Variants in POLD2 observed in about 807,000 individuals in gnomAD.
The protein encoded by POLD2 is DNA polymerase delta 2, accessory subunit, also known as DNA polymerase delta subunit 2.
In POLD2, 31 loss-of-function variants were observed where a neutral mutation model predicts 48.8. The observed-to-expected ratio is 0.64, with a 90% CI of 0.48 to 0.86. The LOEUF (loss-of-function observed/expected upper bound fraction) is 0.86, where lower values mean the gene tolerates loss of function less well. Ranked by LOEUF, POLD2 falls within the 40% of genes least tolerant of loss-of-function variation. The probability of loss-of-function intolerance (pLI) is 0.00; values close to 1 mark genes in which losing one functional copy is unlikely to be tolerated. For synonymous variants in POLD2, 233 were observed against 256.3 expected, an observed-to-expected ratio of 0.91 and a Z score of 0.87; for missense variants, 455 against 610.1, an observed-to-expected ratio of 0.75 and a Z score of 2.68.
chr7:44,114,886 C>T lies in POLD2; in HGVS notation c.1309G>A (p.Ala437Thr), dbSNP rs754179845. ...TVPDFSATQT[A>T]CLVNLRSLAC... ...AGGCTGCGCAGGTTCACAAGGCAGG[C>T]GGTCTGCGTGGCACTGAAGTCAGGG... Residue 437 changes from alanine (A) to threonine (T), a missense_variant, in exon 11 of 11, where the codon GCC (alanine) becomes ACC (threonine). Physicochemically the swap from Ala to Thr is moderately conservative, Grantham distance 58. This residue lies in a region of POLD2 where 98 missense variants were observed against 138.6 expected (regional missense o/e 0.71). Transcript: ENST00000610533. 1.7e-5 allele frequency: 28 copies of T among 1,613,790 alleles called. No homozygotes were observed. The Admixed American group carries it at 2.0e-4, about 12-fold the overall frequency.
At position 44,115,827 on chromosome 7, in the gene POLD2, C is replaced by T. The variant is rs1248844449; in HGVS notation, c.1086G>A (p.Leu362=). Residue 362 remains leucine, a synonymous_variant, in exon 9 of 11, where the codon TTG becomes TTA. Coordinates refer to ENST00000610533, the MANE Select transcript of POLD2 (RefSeq NM_006230.4). ...CCCGCAGGGTCCACTCCAGGATCTC[C>T]AAGTGATCCTCCATGCTGCTGTATC... The part of the protein sequence containing the change: ...IFRYSSMEDH[L]EILEWTLRVR... 1.9e-6 allele frequency: 3 copies of T among 1,613,852 alleles called. No homozygotes were observed. Among genetic ancestry groups the T allele is most frequent in the Non-Finnish European group, 2.5e-6 (3 of 1,179,730 alleles).
intron 5 of POLD2, 43 bp from the exon 6 acceptor site, chr7:44,117,058 G>A: frequency 6.2e-7 from 1 of 1,609,254 alleles, no homozygotes; most frequent in Non-Finnish European, 8.5e-7. Context: ...GAGAAGGGAG[G>A]CAGCCCCTCC....
At chr7:44,123,688 C>T (rs930257547), upstream of POLD2, 1 of 1,354,080 alleles carries the variant, frequency 7.4e-7, no homozygotes, top group Admixed American at 4.1e-5. Flanking sequence ...GTCCCTGGGA[C>T]GCCCAGAGAA....
chr7:44,123,575 AT>A (rs1478108545), upstream of POLD2: 2 of 1,464,738 alleles, frequency 1.4e-6, no homozygotes, highest in Non-Finnish European at 1.8e-6. Context: ...CAACTCGCTA[AT>A]CCCCGCGCGG....
intron 1 of POLD2, chr7:44,123,191 A>C (rs778120119): frequency 5.9e-5 from 73 of 1,229,982 alleles, no homozygotes; most frequent in Non-Finnish European, 7.3e-5. Flanking sequence ...GAAAGTTAAA[A>C]AATTCCCTAG....
chr7:44,117,874 C>A, intron 3 of POLD2, 69 bp downstream of exon 3: 2 of 1,599,658 alleles, frequency 1.3e-6, no homozygotes, highest in Admixed American at 3.4e-5. Context: ...ACAACCCCAC[C>A]TCCAGGGAGG....
At chr7:44,123,433 C>G (rs2096251041) in intron 1 of POLD2, 78 bp downstream of exon 1, 1 of 1,484,180 alleles carries the variant, frequency 6.7e-7, no homozygotes, top group Non-Finnish European at 8.9e-7. Flanking sequence ...AAGACACCAG[C>G]CCACCGACCC....
Position 44,121,954 on chromosome 7 carries a change from T to C in POLD2, c.100A>G (p.Asn34Asp), listed in dbSNP as rs1166903553. Residue 34 changes from asparagine to aspartate, a missense_variant, in exon 2 of 11, where the codon AAC (asparagine) becomes GAC (aspartate). Physicochemically the swap from Asn to Asp is conservative, Grantham distance 23. This residue lies in a region of POLD2 where 349 missense variants were observed against 437.4 expected (regional missense o/e 0.80). Transcript: ENST00000610533. The surrounding 1 kb of genome is among the most constrained non-coding windows in gnomAD (Gnocchi z 4.5). Reference sequence around the variant, plus strand: ...CCTAGCCGGAAGGGTTGTGAGGAGTTGGTGTAGGTTGCCACTGGCACCCGG... The same window carrying C: ...CCTAGCCGGAAGGGTTGTGAGGAGTCGGTGTAGGTTGCCACTGGCACCCGG... ...FARVPVATYT[N>D]SSQPFRLGER... 2 of 1,613,882 alleles carry C rather than the reference T, an allele frequency of 1.2e-6. No individual in the cohort carries two copies. The highest frequency in any genetic ancestry group is 1.7e-6 in the Non-Finnish European group (2 of 1,180,036).
upstream of POLD2, chr7:44,123,680 C>A (rs1055355662): frequency 7.4e-7 from 1 of 1,356,996 alleles, no homozygotes; most frequent in East Asian, 3.1e-5. Context: ...TGCGCCCAGT[C>A]CCTGGGACGC....
At position 44,116,471 on chromosome 7, in the gene POLD2, C is replaced by T; in HGVS notation, c.820G>A (p.Glu274Lys). Reference protein sequence around the residue: ...LTKKTQAASVEAVKMLDEILL... With the variant: ...LTKKTQAASVKAVKMLDEILL... Reference sequence around the variant, plus strand: ...ATCTCATCCAGCATCTTAACAGCCTCCACGCTGGCTGCCTGGGTTTTCTTG... The same window carrying T: ...ATCTCATCCAGCATCTTAACAGCCTTCACGCTGGCTGCCTGGGTTTTCTTG... Residue 274 changes from glutamate (E) to lysine (K), a missense_variant, in exon 7 of 11, where the codon GAG becomes AAG. Physicochemically the swap from Glu to Lys is moderately conservative, Grantham distance 56. Coordinates refer to ENST00000610533, the MANE Select transcript of POLD2 (RefSeq NM_006230.4). This position sits in a 1 kb window ranked among gnomAD's most constrained non-coding sequence, Gnocchi z 6.1. 3 of 1,585,252 alleles carry T rather than the reference C, an allele frequency of 1.9e-6. No homozygotes were observed. Among genetic ancestry groups the T allele is most frequent in the Non-Finnish European group, 2.6e-6 (3 of 1,164,956 alleles).
chr7:44,119,697 C>T lies in POLD2; in HGVS notation c.221-1633G>A, dbSNP rs3217955. Among the ~76,000 whole-genome samples the T allele has an allele frequency of 1.6e-3, 238 of 152,302 alleles. 1 individual carries two copies. Among genetic ancestry groups the T allele is most frequent in the Non-Finnish European group, 2.9e-3 (198 of 68,026 alleles). ...CTGGGCAGAATGACATCCCTGTAAC[C>T]GATAGTAGGACATGCTTCCACCCAG... On this transcript the variant is annotated intron_variant, in intron 2 of 10. Coordinates refer to ENST00000610533, the MANE Select transcript of POLD2 (RefSeq NM_006230.4).
chr7:44,116,296 G>C lies in POLD2; in HGVS notation c.862-24C>G, dbSNP rs781616962. On this transcript the variant is annotated intron_variant, in intron 7 of 10. Coordinates refer to ENST00000610533, the MANE Select transcript of POLD2 (RefSeq NM_006230.4). The surrounding 1 kb of genome is among the most constrained non-coding windows in gnomAD (Gnocchi z 6.1). ...GCCTGGAAGGCACAGGGCAGGGAGA[G>C]CTCACAGGGCCCCGAAGGAGCCCCC... is the stretch of plus-strand genomic sequence containing the variant. 14 of 1,598,684 alleles carry C rather than the reference G, an allele frequency of 8.8e-6. No homozygotes were observed. The South Asian group carries it at 1.5e-4, about 17-fold the overall frequency.
intron 5 of POLD2, 41 bp from the exon 6 acceptor site, chr7:44,117,056 A>T (rs753439749): frequency 1.9e-6 from 3 of 1,609,498 alleles, no homozygotes; most frequent in Non-Finnish European, 1.7e-6. Context: ...CCGAGAAGGG[A>T]GGCAGCCCCT....
intron 2 of POLD2, among the ~76,000 whole-genome samples, chr7:44,120,906 G>T (rs557869135): frequency 2.0e-5 from 3 of 152,136 alleles, no homozygotes; most frequent in Non-Finnish European, 4.4e-5. Context: ...TATCCCTAAT[G>T]AATTTGAGGT....
Position 44,117,914 on chromosome 7 carries a change from C to T in POLD2, c.342+29G>A, listed in dbSNP as rs111345770. Reference sequence around the variant, plus strand: ...CTAGTGGGAGGCCAGGTCTGCCTGGCGGCCCCACTGTGTAGCACCCTGCCT... The same window carrying T: ...CTAGTGGGAGGCCAGGTCTGCCTGGTGGCCCCACTGTGTAGCACCCTGCCT... On this transcript the variant is annotated intron_variant, in intron 3 of 10. Transcript: ENST00000610533. The T allele has an allele frequency of 7.4e-5, 119 of 1,609,246 alleles. 1 individual carries two copies. In the African/African-American group the frequency reaches 1.0e-3, roughly 14 times the overall value.
Position 44,116,212 on chromosome 7 carries a change from G to T in POLD2, c.922C>A (p.Gln308Lys). 6.2e-7 allele frequency: 1 copy of T among 1,613,750 alleles called. No homozygotes were observed. The highest frequency in any genetic ancestry group is 8.5e-7 in the Non-Finnish European group (1 of 1,179,892). The stretch of plus-strand genomic sequence containing the variant: ...AACATGCAGGGGTGGAGGGGCTGCT[G>T]GGGGAGCGTGTAATTGGTGGGATCA... ...EFDPTNYTLP[Q>K]QPLHPCMFPL... Residue 308 changes from glutamine to lysine, a missense_variant, in exon 8 of 11, where the codon CAG becomes AAG. Gln to Lys is a moderately conservative substitution (Grantham distance 53). This residue lies in a region of POLD2 where 349 missense variants were observed against 437.4 expected (regional missense o/e 0.80). Coordinates refer to ENST00000610533, the MANE Select transcript of POLD2 (RefSeq NM_006230.4). This position sits in a 1 kb window ranked among gnomAD's most constrained non-coding sequence, Gnocchi z 6.1.
At chr7:44,117,111 G>C (rs2096241192) in intron 5 of POLD2, 22 bp downstream of exon 5, 2 of 1,611,494 alleles carry the variant, frequency 1.2e-6, no homozygotes, top group Non-Finnish European at 1.7e-6. Context: ...GCTGGTTCCA[G>C]CTCCCGAGAA....
upstream of POLD2, chr7:44,123,689 G>T (rs1252753884): frequency 1.5e-6 from 2 of 1,353,862 alleles, no homozygotes; most frequent in Non-Finnish European, 1.9e-6. Context: ...TCCCTGGGAC[G>T]CCCAGAGAAC....
In POLD2 at chr7:44,116,735, C is replaced by A. The variant is rs966972395; in HGVS notation, c.780+82G>T. 6.8e-7 allele frequency: 1 copy of A among 1,477,954 alleles called. No homozygotes were observed. Among genetic ancestry groups the A allele is most frequent in the African/African-American group, 1.4e-5 (1 of 72,104 alleles). 91.6% of individuals were successfully genotyped at this position (1,477,954 alleles called of 1,614,324 possible). On this transcript the variant is annotated intron_variant, in intron 6 of 10. Transcript: ENST00000610533. This position sits in a 1 kb window ranked among gnomAD's most constrained non-coding sequence, Gnocchi z 6.1. ...CGACCTGCGAGACCTCACAGGGTAC[C>A]CTACTCGCCCTGGGGAAGGAGGGTC...
Sources: allele counts gnomAD v4.1 joint callset (sites outside exome capture counted in the v4.1 genomes callset), GRCh38; gene constraint gnomAD v4.1.1; regional missense constraint gnomAD v4.1.1; non-coding constraint Gnocchi (gnomAD v3.1); transcripts MANE v1.5; gene names NCBI Gene and HGNC (gene_info 2026-07-23, HGNC 2026-07-21).